The following PCDH15 variants were observed in gnomAD, a reference collection of about 807,000 sequenced individuals.
PCDH15 encodes the protein protocadherin related 15.
In PCDH15, 129 loss-of-function variants were observed where a neutral mutation model predicts 178.5. The observed-to-expected ratio is 0.72, with a 90% CI of 0.63 to 0.84. The LOEUF is 0.84. PCDH15 is among the 40% of genes least tolerant of loss of function. The pLI, the probability that PCDH15 is intolerant of heterozygous loss-of-function variation, is 0.00. For synonymous variants in PCDH15, 800 were observed against 732.0 expected (o/e 1.09, Z -1.50); for missense variants, 2,230 against 2,099.9 (o/e 1.06, Z -1.21).
intron 2 of PCDH15, among the ~76,000 whole-genome samples, chr10:55,069,857 A>T (rs1841680281): frequency 6.6e-6 from 1 of 151,902 alleles, no homozygotes; most frequent in Non-Finnish European, 1.5e-5. Flanking sequence ...CGCCACACTG[A>T]CTTCCACAAT....
Position 54,066,737 on chromosome 10 carries a change from T to G in PCDH15, c.2220+20A>C. ...TCTTTGAAAAACTACATATAAGATC[T>G]ATATAAATATTCCACTTACTTTTAC... On this transcript the variant is annotated intron_variant, in intron 18 of 37. Transcript: ENST00000644397. The G allele has an allele frequency of 6.2e-7, 1 of 1,609,144 alleles. No homozygotes were observed.
chr10:54,798,846 C>T (rs765378698), intron 1 of PCDH15, among the ~76,000 whole-genome samples: 22 of 151,794 alleles, frequency 1.4e-4, no homozygotes, highest in Non-Finnish European at 2.6e-4. Context: ...TATAACAGCT[C>T]GTTTATGAAA....
intron 2 of PCDH15, among the ~76,000 whole-genome samples, chr10:55,338,615 A>T (rs1445826894): frequency 3.9e-5 from 6 of 152,128 alleles, no homozygotes; most frequent in Non-Finnish European, 7.4e-5. Flanking sequence ...TAAAAATATA[A>T]AAACTAGCTG....
chr10:53,855,293 G>T (rs1404808155), intron 28 of PCDH15, among the ~76,000 whole-genome samples: 1 of 151,912 alleles, frequency 6.6e-6, no homozygotes, highest in Non-Finnish European at 1.5e-5. Flanking sequence ...AATAGACAAC[G>T]GAATCAGAGA....
intron 25 of PCDH15, among the ~76,000 whole-genome samples, chr10:53,904,423 A>G (rs970479977): frequency 1.3e-5 from 2 of 151,908 alleles, no homozygotes; most frequent in Admixed American, 6.6e-5. Flanking sequence ...TTGTTGAATA[A>G]ATTAATGAAT....
chr10:55,363,779 G>T (rs1236108358), intron 2 of PCDH15, among the ~76,000 whole-genome samples: 1 of 151,918 alleles, frequency 6.6e-6, no homozygotes, highest in Non-Finnish European at 1.5e-5. Context: ...AGTATTACAG[G>T]CATGCACCAC....
Position 54,956,280 on chromosome 10 carries a change from A to G in PCDH15, c.-79-58780T>C, listed in dbSNP as rs970539542. Among the ~76,000 whole-genome samples the G allele has an allele frequency of 2.0e-5, 3 of 151,486 alleles. No individual in the cohort carries two copies. In the East Asian group the frequency reaches 5.8e-4, roughly 29 times the overall value. On this transcript the variant is annotated intron_variant, in intron 2 of 5. Coordinates refer to the PCDH15 transcript ENST00000458638. Reference sequence around the variant, plus strand: ...TCATAACAGGACTTGTCTATTTCAAATCTGTTTGTTGAAATTATATCACAT... The same window carrying G: ...TCATAACAGGACTTGTCTATTTCAAGTCTGTTTGTTGAAATTATATCACAT...
intron 1 of PCDH15, among the ~76,000 whole-genome samples, chr10:54,775,099 C>T (rs1297363468): frequency 6.6e-6 from 1 of 152,110 alleles, no homozygotes; most frequent in East Asian, 1.9e-4. Flanking sequence ...TACACAGATG[C>T]TGTTAGAGTC....
At chr10:54,376,976 T>A (rs1341826676) in intron 4 of PCDH15, among the ~76,000 whole-genome samples, 1 of 151,972 alleles carries the variant, frequency 6.6e-6, no homozygotes, top group Non-Finnish European at 1.5e-5. Context: ...TTTTTAAAAA[T>A]CTCTTATTTA....
intron 16 of PCDH15, among the ~76,000 whole-genome samples, chr10:54,083,968 G>A (rs1468613055): frequency 2.6e-5 from 4 of 152,080 alleles, no homozygotes; most frequent in African/African-American, 4.8e-5. Context: ...GCTCACGCCT[G>A]TAATTCCAGT....
At chr10:53,978,953 C>T (rs1394239828) in intron 21 of PCDH15, among the ~76,000 whole-genome samples, 1 of 152,146 alleles carries the variant, frequency 6.6e-6, no homozygotes, top group Non-Finnish European at 1.5e-5. Context: ...CAAAGCCATT[C>T]AACAAATCTC....
chr10:54,349,744 A>G (rs1943880770), intron 5 of PCDH15, among the ~76,000 whole-genome samples: 1 of 152,204 alleles, frequency 6.6e-6, no homozygotes, highest in African/African-American at 2.4e-5. Context: ...TTCAAAAAAT[A>G]TACTTGCTGA....
intron 8 of PCDH15, among the ~76,000 whole-genome samples, chr10:54,308,928 T>G (rs1474871861): frequency 6.6e-6 from 1 of 152,088 alleles, no homozygotes; most frequent in African/African-American, 2.4e-5. Context: ...AGTCACATCA[T>G]ATGTTGACTC....
chr10:55,000,537 C>T lies in PCDH15; in HGVS notation c.-79-103037G>A, dbSNP rs185509266. On this transcript the variant is annotated intron_variant, in intron 2 of 5. Coordinates refer to the PCDH15 transcript ENST00000458638. The stretch of plus-strand genomic sequence containing the variant: ...ACACAATCATCACAGGGTCCTGAGG[C>T]GACATACGTCCTCCTCAGCTTATGA... 1.3e-3 allele frequency among the ~76,000 whole-genome samples: 199 copies of T among 152,024 alleles called. 1 individual carries two copies. Among genetic ancestry groups the T allele is most frequent in the African/African-American group, 4.4e-3 (183 of 41,448 alleles).
intron 2 of PCDH15, among the ~76,000 whole-genome samples, chr10:54,537,523 A>C (rs1483781854): frequency 1.3e-5 from 2 of 152,204 alleles, no homozygotes; most frequent in Non-Finnish European, 2.9e-5. Flanking sequence ...AAAAATCTTC[A>C]ACAAAATACT....
intron 33 of PCDH15, among the ~76,000 whole-genome samples, chr10:53,818,899 A>C (rs1244344935): frequency 1.3e-5 from 2 of 152,052 alleles, no homozygotes; most frequent in African/African-American, 4.8e-5. Flanking sequence ...ATTTTTAAAA[A>C]ATGTTGAGGC....
intron 2 of PCDH15, among the ~76,000 whole-genome samples, chr10:55,562,023 A>ATAT (rs1402227087): frequency 2.0e-5 from 3 of 152,050 alleles, no homozygotes; most frequent in African/African-American, 7.2e-5. Flanking sequence ...TTTTTATTTA[A>ATAT]TATAACACAT....
chr10:55,611,669 G>T (rs1052602298), intron 2 of PCDH15, among the ~76,000 whole-genome samples: 1 of 151,954 alleles, frequency 6.6e-6, no homozygotes, highest in Non-Finnish European at 1.5e-5. Context: ...ACTCAAATGA[G>T]TTAAAATCAG....
chr10:55,530,198 C>A (rs1841418435), intron 2 of PCDH15, among the ~76,000 whole-genome samples: 1 of 151,752 alleles, frequency 6.6e-6, no homozygotes, highest in African/African-American at 2.4e-5. Context: ...GGCTTTTGAG[C>A]AGAACCCCTG....
Sources: gnomAD v4.1 joint callset for allele counts (sites outside exome capture counted in the v4.1 genomes callset) on GRCh38, gnomAD v4.1.1 for gene constraint, MANE v1.5 for transcripts, NCBI Gene and HGNC (gene_info 2026-07-23, HGNC 2026-07-21) for gene names.